Variants in SFXN4 observed in about 807,000 individuals in gnomAD.
SFXN4 encodes sideroflexin-4.
In SFXN4, 48 loss-of-function variants were observed where a neutral mutation model predicts 54.6. The ratio of observed to expected loss-of-function variants is 0.88; its 90% CI spans 0.70 to 1.12. The LOEUF (loss-of-function observed/expected upper bound fraction) is 1.12. Among genes scored for constraint, SFXN4 ranks in the 50% most tolerant of loss-of-function variants. The pLI is 0.00. For missense variants in SFXN4, 383 were observed against 409.2 expected, an observed-to-expected ratio of 0.94 and a Z score of 0.55; for synonymous variants, 130 against 145.5, an observed-to-expected ratio of 0.89 and a Z score of 0.77.
chr10:119,162,521 T>G, intron 2 of SFXN4, 107 bp from the exon 3 acceptor site: 1 of 842,194 alleles, frequency 1.2e-6, no homozygotes, highest in South Asian at 1.6e-5. Flanking sequence ...GGACTTCGAC[T>G]GCATGCCTGA....
At chr10:119,144,937 G>A (rs550259415) in intron 13 of SFXN4, among the ~76,000 whole-genome samples, 5 of 152,164 alleles carry the variant, frequency 3.3e-5, no homozygotes, top group African/African-American at 4.8e-5. Flanking sequence ...ACTGGAGAGG[G>A]CGTAGTTATA....
chr10:119,160,625 T>C (rs1847489327), intron 5 of SFXN4, among the ~76,000 whole-genome samples: 1 of 149,526 alleles, frequency 6.7e-6, no homozygotes, highest in Non-Finnish European at 1.5e-5. Context: ...GTTTCACTCT[T>C]GTTGCCCAGG....
At chr10:119,144,189 G>T (rs747775867) in intron 13 of SFXN4, among the ~76,000 whole-genome samples, 10 of 152,172 alleles carry the variant, frequency 6.6e-5, no homozygotes, top group East Asian at 1.9e-4. Flanking sequence ...GGGCGTGGTG[G>T]CTCACGCCTG....
chr10:119,141,380 G>C (rs1256457096), intron 13 of SFXN4, 61 bp from the exon 14 acceptor site: 2 of 1,049,686 alleles, frequency 1.9e-6, no homozygotes, highest in Non-Finnish European at 2.8e-6. Flanking sequence ...TAGAAGCCAA[G>C]TTAAAAAAAT....
chr10:119,164,454 C>T (rs1003264435), intron 1 of SFXN4, among the ~76,000 whole-genome samples: 6 of 152,104 alleles, frequency 3.9e-5, no homozygotes, highest in African/African-American at 1.4e-4. Context: ...CTTAACCTCT[C>T]AGTATCAAAT....
At chr10:119,160,886 C>A in intron 5 of SFXN4, 29 bp downstream of exon 5, 1 of 1,612,508 alleles carries the variant, frequency 6.2e-7, no homozygotes. Context: ...ATCTTCCCAA[C>A]CCACTTCTGA....
At position 119,162,350 on chromosome 10, in the gene SFXN4, G is replaced by A. The variant is rs752564160; in HGVS notation, c.242C>T (p.Ala81Val). The change falls in exon 3 of 14, where the codon GCG becomes GTG. Residue 81 changes from alanine to valine, a missense_variant. By Grantham distance (64) the Ala-to-Val change is moderately conservative. Transcript: ENST00000355697. ...GCACGTGAAACATACCCTTTGGTCC[G>A]CCGAGGCAGGGCTGGAAACATCTTC... Reference protein sequence around the residue: ...TNEDVSSPASADQRIQEAWKR... With the variant: ...TNEDVSSPASVDQRIQEAWKR... 23 of 1,613,856 alleles carry A rather than the reference G, an allele frequency of 1.4e-5. No individual in the cohort carries two copies. The African/African-American group carries it at 1.5e-4, about 10-fold the overall frequency.
intron 1 of SFXN4, chr10:119,165,169 C>T (rs1847718360): frequency 9.7e-7 from 1 of 1,032,980 alleles, no homozygotes; most frequent in Non-Finnish European, 1.2e-6. Context: ...TTCCCAAAGC[C>T]TCGGGGGTCT....
At chr10:119,163,527 G>A (rs1412642258) in intron 2 of SFXN4, among the ~76,000 whole-genome samples, 1 of 151,922 alleles carries the variant, frequency 6.6e-6, no homozygotes, top group East Asian at 1.9e-4. Flanking sequence ...CAAGCCTTCC[G>A]AATAGCTGGG....
In SFXN4 at chr10:119,157,733, T is replaced by A; in HGVS notation, c.472A>T (p.Thr158Ser). Reference protein sequence around the residue: ...FNSINGNRSYTCKPLERSLLM... With the variant: ...FNSINGNRSYSCKPLERSLLM... Reference sequence around the variant, plus strand: ...AATGATCTTTCTAGTGGCTTACAAGTCTAAGGAGAAACAAAAGTACTTAAT... The same window carrying A: ...AATGATCTTTCTAGTGGCTTACAAGACTAAGGAGAAACAAAAGTACTTAAT... Residue 158 changes from threonine to serine, a missense_variant and splice_region_variant, in exon 9 of 14, where the codon ACT becomes TCT. Transcript: ENST00000355697. 1 of 1,609,364 alleles carries A rather than the reference T, an allele frequency of 6.2e-7. No homozygotes were observed. Among genetic ancestry groups the A allele is most frequent in the Non-Finnish European group, 8.5e-7 (1 of 1,177,922 alleles).
At chr10:119,154,220 G>A (rs1189564986) in intron 11 of SFXN4, among the ~76,000 whole-genome samples, 6 of 152,014 alleles carry the variant, frequency 3.9e-5, no homozygotes, top group Admixed American at 1.3e-4. Context: ...CCACAATGTG[G>A]GTGGGCCTCA....
chr10:119,158,102 G>A (rs767032561), intron 6 of SFXN4, 40 bp from the exon 7 acceptor site: 20 of 1,592,938 alleles, frequency 1.3e-5, no homozygotes, highest in South Asian at 8.8e-5. Context: ...AAGTGTTGCT[G>A]TGGAAGGAGA....
chr10:119,148,855 G>A (rs35787296), intron 11 of SFXN4, among the ~76,000 whole-genome samples: 46,996 of 151,802 alleles, frequency 0.31, 7,863 homozygotes, highest in South Asian at 0.41. Flanking sequence ...TTGACTATAA[G>A]ACAGCTCACG....
chr10:119,147,928 T>C, intron 11 of SFXN4, 68 bp from the exon 12 acceptor site: 1 of 1,310,004 alleles, frequency 7.6e-7, no homozygotes. Flanking sequence ...CCCTGCACTT[T>C]GGGAGGCCGA....
rs748741286 is a variant in SFXN4 at position 119,164,130 on chromosome 10, C to A, written c.177+1G>T. The A allele has an allele frequency of 2.0e-6, 3 of 1,524,590 alleles. No individual in the cohort carries two copies. The highest frequency in any genetic ancestry group is 2.7e-6 in the Non-Finnish European group (3 of 1,119,748). The allele number at this position is 1,524,590 out of a possible 1,614,324, so 94.4% of individuals were successfully genotyped here. A position where few individuals can be genotyped will look rare whatever the true frequency, so the allele number is the denominator to read the frequency against. ...TCATTAGCTCTGAAAACAATACTTACAACTGAAATGAACACATTTGTAGGA... is the reference window on the plus strand; with the variant it reads ...TCATTAGCTCTGAAAACAATACTTAAAACTGAAATGAACACATTTGTAGGA... On this transcript the variant is annotated splice_donor_variant, in intron 2 of 13. Transcript: ENST00000355697. LOFTEE classifies it high-confidence loss of function.
chr10:119,142,157 AC>A (rs1212929572), intron 13 of SFXN4, among the ~76,000 whole-genome samples: 1 of 152,086 alleles, frequency 6.6e-6, no homozygotes, highest in Non-Finnish European at 1.5e-5. Context: ...CCATGATCAT[AC>A]CACTGCCCTC....
At chr10:119,141,635 C>G (rs1564810337) in intron 13 of SFXN4, among the ~76,000 whole-genome samples, 2 of 151,790 alleles carry the variant, frequency 1.3e-5, no homozygotes, top group African/African-American at 4.8e-5. Context: ...CTCAGCCACC[C>G]GAGTAGCTGG....
In SFXN4 at chr10:119,146,428, C is replaced by CGTGTGT. The variant is rs56031432; in HGVS notation, c.819-81_819-76dup. On this transcript the variant is annotated intron_variant, in intron 12 of 13. Transcript: ENST00000355697. ...TATTTTCTGAACAGCTGAATCAGGGCGTGTGTGTGTGTGTGTGTGTGTGTG... is the reference window on the plus strand; with the variant it reads ...TATTTTCTGAACAGCTGAATCAGGGCGTGTGTGTGTGTGTGTGTGTGTGTGTGTGTG... 968 of 559,510 alleles carry CGTGTGT rather than the reference C, an allele frequency of 1.7e-3. 4 individuals are homozygous for CGTGTGT. Among genetic ancestry groups the CGTGTGT allele is most frequent in the African/African-American group, 0.013 (663 of 50,096 alleles). The allele number at this position is 559,510 out of a possible 1,614,324, so 34.7% of individuals were successfully genotyped here.
chr10:119,158,678 G>A (rs1847379890), intron 6 of SFXN4, among the ~76,000 whole-genome samples: 1 of 150,138 alleles, frequency 6.7e-6, no homozygotes, highest in African/African-American at 2.5e-5. Flanking sequence ...ACAGGAGCCT[G>A]TGGTGTGGAC....
Sources: allele counts gnomAD v4.1 joint callset (sites outside exome capture counted in the v4.1 genomes callset), GRCh38; gene constraint gnomAD v4.1.1; transcripts MANE v1.5; gene names NCBI Gene and HGNC (gene_info 2026-07-23, HGNC 2026-07-21).